Variants in RGPD3 observed in about 807,000 individuals in gnomAD.
RGPD3 encodes the protein RANBP2 like and GRIP domain containing 3, also known as ranBP2-like and GRIP domain-containing protein 3.
In RGPD3, 62 loss-of-function variants were observed where a neutral mutation model predicts 154.5. The observed-to-expected ratio is 0.40, with a 90% CI of 0.33 to 0.50. The LOEUF (loss-of-function observed/expected upper bound fraction) is 0.50. Ranked by LOEUF, RGPD3 falls within the 20% of genes least tolerant of loss-of-function variation. RGPD3 has a pLI of 0.59. For missense variants in RGPD3, 919 were observed against 1,716.8 expected (o/e 0.54, Z 8.21); for synonymous variants, 308 against 607.0 (o/e 0.51, Z 7.24).
intron 1 of RGPD3, among the ~76,000 whole-genome samples, chr2:106,467,646 G>C (rs1678668839): frequency 7.1e-6 from 1 of 140,744 alleles, no homozygotes; most frequent in African/African-American, 2.7e-5. Context: ...TCCACAGAGC[G>C]CGCCAGGGAG....
In RGPD3 at chr2:106,457,213, T is replaced by G. The variant is rs1678256948; in HGVS notation, c.253-90A>C. 2.0e-6 allele frequency: 3 copies of G among 1,508,644 alleles called. No individual in the cohort carries two copies. In the African/African-American group the frequency reaches 4.2e-5, roughly 21 times the overall value. The allele number at this position is 1,508,644 out of a possible 1,614,324, so 93.5% of individuals were successfully genotyped here. ...TACTTATATACTTATATATAAAGGT[T>G]AAAAATTATCACTCCAACCCTTAAA... On this transcript the variant is annotated intron_variant, in intron 3 of 22. Coordinates refer to ENST00000409886, the MANE Select transcript of RGPD3 (RefSeq NM_001144013.2).
chr2:106,451,845 C>G (rs937235187), intron 6 of RGPD3, among the ~76,000 whole-genome samples: 6 of 151,900 alleles, frequency 3.9e-5, no homozygotes, highest in Non-Finnish European at 7.3e-5. Context: ...CATCTGATGA[C>G]AGATGAACTT....
Position 106,404,373 on chromosome 2 carries a change from G to T in RGPD3, c.*846C>A, listed in dbSNP as rs1217096332. On this transcript the variant is annotated 3_prime_UTR_variant, in exon 23 of 23. Transcript: ENST00000409886. Reference sequence around the variant, plus strand: ...CAGTGTTACACTAGCCAGCTCTAGGGCTCTGACAACATAATGAGTTTTGAG... The same window carrying T: ...CAGTGTTACACTAGCCAGCTCTAGGTCTCTGACAACATAATGAGTTTTGAG... Among the ~76,000 whole-genome samples the T allele has an allele frequency of 2.0e-5, 3 of 149,240 alleles. No homozygotes were observed. Among genetic ancestry groups the T allele is most frequent in the Non-Finnish European group, 4.5e-5 (3 of 67,320 alleles).
In RGPD3 at chr2:106,468,231, G is replaced by T; in HGVS notation, c.58C>A (p.Pro20Thr). The change falls in exon 1 of 23, where the codon CCG becomes ACG. Residue 20 changes from proline (P) to threonine (T), a missense_variant. Physicochemically the swap from Pro to Thr is conservative, Grantham distance 38 (BLOSUM62 -1). Coordinates refer to ENST00000409886, the MANE Select transcript of RGPD3 (RefSeq NM_001144013.2). ...RYVASVQGSAPSPRKKSTRGF... is the reference protein window; with the variant it reads ...RYVASVQGSATSPRKKSTRGF... Reference sequence around the variant, plus strand: ...GACCCACTCACCTTTCGAGGCGACGGGGCGGAGCCCTGCACCGAGGCGACG... The same window carrying T: ...GACCCACTCACCTTTCGAGGCGACGTGGCGGAGCCCTGCACCGAGGCGACG... 1.2e-6 allele frequency: 2 copies of T among 1,606,792 alleles called. No individual in the cohort carries two copies. The highest frequency in any genetic ancestry group is 1.1e-5 in the South Asian group (1 of 89,788).
At chr2:106,468,805 CAAAAAAAAAAAA>C (rs57971663), upstream of RGPD3, among the ~76,000 whole-genome samples, 1 of 56,916 alleles carries the variant, frequency 1.8e-5, no homozygotes, top group Non-Finnish European at 2.9e-5. Context: ...GACTCCATCT[CAAAAAAAAAAAA>C]AAAAAAAAAA....
rs1156351012 is a variant in RGPD3 at position 106,404,426 on chromosome 2, A to T, written c.*793T>A. Among the ~76,000 whole-genome samples the T allele has an allele frequency of 6.8e-6, 1 of 146,466 alleles. No homozygotes were observed. Among genetic ancestry groups the T allele is most frequent in the Non-Finnish European group, 1.5e-5 (1 of 66,772 alleles). On this transcript the variant is annotated 3_prime_UTR_variant, in exon 23 of 23. Coordinates refer to ENST00000409886, the MANE Select transcript of RGPD3 (RefSeq NM_001144013.2). ...AGTATACTTTAAAGAAAAAAAGAAG[A>T]GTTTATTTTAAAGCAAATAACTAAA...
At position 106,429,744 on chromosome 2, in the gene RGPD3, G is replaced by T. The variant is rs200826058; in HGVS notation, c.2507C>A (p.Ser836Ter). The change falls in exon 18 of 23, where the codon TCA (serine) becomes TAA (stop). Residue 836 changes from serine (S) to a stop codon, truncating the protein, a stop_gained. Coordinates refer to ENST00000409886, the MANE Select transcript of RGPD3 (RefSeq NM_001144013.2). LOFTEE classifies it high-confidence loss of function. ...TGTGGGCCAACGATGATGGGATGCTGACTTACTGCTATTTAGTTTCAACTC... is the reference window on the plus strand; with the variant it reads ...TGTGGGCCAACGATGATGGGATGCTTACTTACTGCTATTTAGTTTCAACTC... The part of the protein sequence containing the change: ...MQELKLNSSK[S>*]ASHHRWPTEN... The T allele has an allele frequency of 1.4e-3, 1,714 of 1,266,604 alleles. No homozygotes were observed. Among genetic ancestry groups the T allele is most frequent in the Non-Finnish European group, 1.8e-3 (1,641 of 919,722 alleles). 78.5% of individuals were successfully genotyped at this position (1,266,604 alleles called of 1,614,324 possible).
chr2:106,441,496 A>G lies in RGPD3; in HGVS notation c.979-116T>C. The G allele has an allele frequency of 9.4e-6, 10 of 1,064,966 alleles. No individual in the cohort carries two copies. In the South Asian group the frequency reaches 1.7e-4, roughly 18 times the overall value. 66.0% of individuals were successfully genotyped at this position (1,064,966 alleles called of 1,614,324 possible). ...ATAATGAATGAACAGTTAACCATTAATTAAACTGAATTGGAAAAGACTGCA... is the reference window on the plus strand; with the variant it reads ...ATAATGAATGAACAGTTAACCATTAGTTAAACTGAATTGGAAAAGACTGCA... On this transcript the variant is annotated intron_variant, in intron 7 of 22. Transcript: ENST00000409886.
chr2:106,464,020 A>G (rs1450956674), intron 1 of RGPD3, among the ~76,000 whole-genome samples: 3 of 152,216 alleles, frequency 2.0e-5, no homozygotes, highest in South Asian at 2.1e-4. Context: ...GTCTGAGGAC[A>G]GTTTTGGAGG....
At chr2:106,455,146 C>A (rs1334872696) in intron 4 of RGPD3, among the ~76,000 whole-genome samples, 2 of 152,054 alleles carry the variant, frequency 1.3e-5, no homozygotes, top group Non-Finnish European at 2.9e-5. Context: ...CCAGCATGGG[C>A]GACAGAGCAA....
At chr2:106,411,531 A>T (rs1676671674) in intron 22 of RGPD3, among the ~76,000 whole-genome samples, 1 of 150,680 alleles carries the variant, frequency 6.6e-6, no homozygotes, top group South Asian at 2.1e-4. Flanking sequence ...TGTTATAGAT[A>T]AAAAAACAAC....
Position 106,404,344 on chromosome 2 carries a change from TAGTC to T in RGPD3, c.*871_*874del, listed in dbSNP as rs966926698. On this transcript the variant is annotated 3_prime_UTR_variant, in exon 23 of 23. Coordinates refer to ENST00000409886, the MANE Select transcript of RGPD3 (RefSeq NM_001144013.2). ...CTCAAGTGGTGGGCCCACCTATTCA[TAGTC>T]AGTGTTACACTAGCCAGCTCTAGGG... is the stretch of plus-strand genomic sequence containing the variant. Among the ~76,000 whole-genome samples, 14 of 149,198 alleles carry T rather than the reference TAGTC, an allele frequency of 9.4e-5. No homozygotes were observed. The highest frequency in any genetic ancestry group is 3.3e-4 in the African/African-American group (13 of 39,960).
intron 18 of RGPD3, among the ~76,000 whole-genome samples, chr2:106,426,862 G>C (rs1297380970): frequency 3.9e-5 from 6 of 152,126 alleles, no homozygotes; most frequent in Admixed American, 3.9e-4. Flanking sequence ...GGAAAGCACT[G>C]AAAAATCAAG....
intron 20 of RGPD3, among the ~76,000 whole-genome samples, chr2:106,421,560 T>A (rs2104453618): frequency 6.6e-6 from 1 of 150,692 alleles, no homozygotes; most frequent in Non-Finnish European, 1.5e-5. Flanking sequence ...TTGAAGGCCT[T>A]CAACAGATCC....
chr2:106,441,737 CCT>C (rs1356964473), intron 7 of RGPD3, among the ~76,000 whole-genome samples: 177 of 151,324 alleles, frequency 1.2e-3, no homozygotes, highest in Non-Finnish European at 1.2e-4. Flanking sequence ...GTGGCACACA[CCT>C]GTTAATTCCA....
chr2:106,447,724 C>T (rs1692401935), intron 6 of RGPD3, 111 bp from the exon 7 acceptor site: 2 of 111,870 alleles, frequency 1.8e-5, no homozygotes, highest in South Asian at 3.6e-4. Context: ...TCATCTTCCA[C>T]ATTCAACTTC....
chr2:106,444,811 T>C (rs1323778807), intron 7 of RGPD3, among the ~76,000 whole-genome samples: 1 of 148,948 alleles, frequency 6.7e-6, no homozygotes, highest in Non-Finnish European at 1.5e-5. Flanking sequence ...CCACAGCACC[T>C]CCCAAAACTA....
At chr2:106,449,223 G>C (rs1465748309) in intron 6 of RGPD3, among the ~76,000 whole-genome samples, 1 of 150,532 alleles carries the variant, frequency 6.6e-6, no homozygotes, top group Non-Finnish European at 1.5e-5. Context: ...CCAGCACTTT[G>C]GGAGGCTGAG....
In RGPD3 at chr2:106,424,568, T is replaced by C. The variant is rs777821145; in HGVS notation, c.3399A>G (p.Ser1133=). 3.1e-6 allele frequency: 5 copies of C among 1,610,688 alleles called. No homozygotes were observed. The South Asian group carries it at 4.4e-5, about 14-fold the overall frequency. Residue 1133 remains serine, a synonymous_variant, in exon 20 of 23, where the codon TCA becomes TCG. Coordinates refer to ENST00000409886, the MANE Select transcript of RGPD3 (RefSeq NM_001144013.2). The part of the protein sequence containing the change: ...LSGSDRAWMW[S]ASDFSDGDAK... ...CATCACCATCAGAGAAATCACTGGCTGACCACATCCATGCTCTATCTGATC... is the reference window on the plus strand; with the variant it reads ...CATCACCATCAGAGAAATCACTGGCCGACCACATCCATGCTCTATCTGATC...
Sources: allele counts gnomAD v4.1 joint callset (sites outside exome capture counted in the v4.1 genomes callset), GRCh38; gene constraint gnomAD v4.1.1; transcripts MANE v1.5; gene names NCBI Gene and HGNC (gene_info 2026-07-23, HGNC 2026-07-21).